The following PLXNA4 variants were observed in gnomAD, a reference collection of about 807,000 sequenced individuals.
The protein encoded by PLXNA4 is plexin A4.
PLXNA4 carries 44 observed loss-of-function variants against 191.8 expected under a neutral mutation model. That is an observed-to-expected ratio of 0.23 (90% CI 0.18 to 0.29). The LOEUF (loss-of-function observed/expected upper bound fraction) is 0.29. Ranked by LOEUF, PLXNA4 falls within the 10% of genes least tolerant of loss-of-function variation. The pLI, the probability that PLXNA4 is intolerant of heterozygous loss-of-function variation, is 1.00. For synonymous variants in PLXNA4, 1,082 were observed against 1,009.5 expected (o/e 1.07, Z -1.36); for missense variants, 1,800 against 2,488.8 (o/e 0.72, Z 5.89).
At chr7:132,256,854 C>T (rs145920039) in intron 4 of PLXNA4, among the ~76,000 whole-genome samples, 102 of 152,214 alleles carry the variant, frequency 6.7e-4, no homozygotes, top group African/African-American at 2.3e-3. Context: ...CTGAGTGATA[C>T]GGCAGGTGGA....
chr7:132,425,439 G>A lies in PLXNA4; in HGVS notation c.1371+63853C>T, dbSNP rs1795006089. Among the ~76,000 whole-genome samples, 4 of 152,288 alleles carry A rather than the reference G, an allele frequency of 2.6e-5. No individual in the cohort carries two copies. In the South Asian group the frequency reaches 8.3e-4, roughly 32 times the overall value. ...TGGTGGGAAAGGGGAGGGGAAGGCT[G>A]AATGACGTCCTTAGGCCAAGAAAGG... On this transcript the variant is annotated intron_variant, in intron 3 of 31. Transcript: ENST00000321063.
chr7:132,212,144 G>A (rs972333669), intron 9 of PLXNA4, among the ~76,000 whole-genome samples: 3 of 152,132 alleles, frequency 2.0e-5, no homozygotes, highest in African/African-American at 7.2e-5. Context: ...GCACTGTCTG[G>A]GGCATGCCAA....
intron 4 of PLXNA4, among the ~76,000 whole-genome samples, chr7:132,294,314 T>A (rs1314368572): frequency 6.6e-6 from 1 of 152,156 alleles, no homozygotes; most frequent in Non-Finnish European, 1.5e-5. Context: ...GACATTTCTG[T>A]GTCCAGAGCA....
intron 11 of PLXNA4, 61 bp from the exon 12 acceptor site, chr7:132,202,897 C>T: frequency 7.0e-7 from 1 of 1,427,006 alleles, no homozygotes; most frequent in Non-Finnish European, 9.3e-7. Context: ...ACAGAAGGGG[C>T]CCAGAGAGAG....
chr7:132,260,008 A>G (rs1465007256), intron 4 of PLXNA4, among the ~76,000 whole-genome samples: 1 of 152,188 alleles, frequency 6.6e-6, no homozygotes. Context: ...AAGACAAAAA[A>G]TAACAGATGG....
chr7:132,370,684 A>G (rs993816881), intron 3 of PLXNA4, among the ~76,000 whole-genome samples: 1 of 152,196 alleles, frequency 6.6e-6, no homozygotes, highest in East Asian at 1.9e-4. Context: ...ATAAATGTCT[A>G]TGTATAACAA....
At chr7:132,230,667 T>C (rs955260634) in intron 5 of PLXNA4, among the ~76,000 whole-genome samples, 4 of 152,224 alleles carry the variant, frequency 2.6e-5, no homozygotes. Flanking sequence ...GCTAATGTTA[T>C]GGACTTTTCC....
At chr7:132,178,593 C>A (rs536759692) in intron 20 of PLXNA4, among the ~76,000 whole-genome samples, 1 of 152,312 alleles carries the variant, frequency 6.6e-6, no homozygotes, top group Non-Finnish European at 1.5e-5. Flanking sequence ...GTCTGGGACA[C>A]AGGCATAGGG....
chr7:132,188,462 C>A (rs1326129623), intron 14 of PLXNA4, among the ~76,000 whole-genome samples: 1 of 152,168 alleles, frequency 6.6e-6, no homozygotes, highest in African/African-American at 2.4e-5. Flanking sequence ...AAAGTCGAAC[C>A]CTCTCAGTTC....
intron 1 of PLXNA4, among the ~76,000 whole-genome samples, chr7:132,542,486 A>G (rs917959205): frequency 2.0e-5 from 3 of 152,164 alleles, no homozygotes; most frequent in African/African-American, 7.2e-5. Context: ...CTGAATGTAG[A>G]TTTCTTATTT....
chr7:132,351,147 G>A (rs1054698021), intron 3 of PLXNA4, among the ~76,000 whole-genome samples: 1 of 152,240 alleles, frequency 6.6e-6, no homozygotes, highest in African/African-American at 2.4e-5. Flanking sequence ...GAGCTGGAGA[G>A]GGTGATGGCT....
intron 3 of PLXNA4, among the ~76,000 whole-genome samples, chr7:132,439,596 GAGA>G (rs1330069652): frequency 6.6e-6 from 1 of 152,122 alleles, no homozygotes; most frequent in Non-Finnish European, 1.5e-5. Flanking sequence ...ATCTTTGTGG[GAGA>G]AGGAGGGGCA....
At chr7:132,416,045 T>C (rs188779341) in intron 3 of PLXNA4, among the ~76,000 whole-genome samples, 2 of 152,350 alleles carry the variant, frequency 1.3e-5, no homozygotes, top group East Asian at 1.9e-4. Flanking sequence ...TCCTTAGTCA[T>C]ACTAGCCACA....
intron 3 of PLXNA4, among the ~76,000 whole-genome samples, chr7:132,336,293 A>G (rs1802813620): frequency 6.6e-6 from 1 of 152,162 alleles, no homozygotes; most frequent in Non-Finnish European, 1.5e-5. Flanking sequence ...CATTGAGCTA[A>G]TGGGTTTTAG....
chr7:132,223,713 T>C (rs947519999), intron 8 of PLXNA4, 72 bp from the exon 9 acceptor site: 41 of 1,181,524 alleles, frequency 3.5e-5, no homozygotes, highest in Non-Finnish European at 4.8e-5. Context: ...TGAGTCTCTA[T>C]GGTCTAGCAA....
intron 3 of PLXNA4, among the ~76,000 whole-genome samples, chr7:132,441,486 T>G (rs1398680736): frequency 6.6e-6 from 1 of 152,220 alleles, no homozygotes; most frequent in Non-Finnish European, 1.5e-5. Flanking sequence ...AAAATTCTCT[T>G]AACCCCCACT....
At chr7:132,205,444 C>A (rs185376936) in intron 10 of PLXNA4, among the ~76,000 whole-genome samples, 152 of 152,152 alleles carry the variant, frequency 1.0e-3, no homozygotes, top group African/African-American at 3.5e-3. Context: ...GATGACTGCC[C>A]CAGTGGAGGG....
chr7:132,612,515 G>T (rs1479993519), intron 2 of PLXNA4, among the ~76,000 whole-genome samples: 1 of 151,810 alleles, frequency 6.6e-6, no homozygotes, highest in Non-Finnish European at 1.5e-5. Flanking sequence ...AATACAAAAA[G>T]CAGCTAGGCG....
At chr7:132,295,785 G>A (rs1801056065) in intron 4 of PLXNA4, among the ~76,000 whole-genome samples, 1 of 152,068 alleles carries the variant, frequency 6.6e-6, no homozygotes, top group South Asian at 2.1e-4. Context: ...GGAAACTCCT[G>A]TCACAGAGTC....
Sources: gnomAD v4.1 joint callset for allele counts (sites outside exome capture counted in the v4.1 genomes callset) on GRCh38, gnomAD v4.1.1 for gene constraint, MANE v1.5 for transcripts, NCBI Gene and HGNC (gene_info 2026-07-23, HGNC 2026-07-21) for gene names.